The following NBEA variants were observed in gnomAD, a reference collection of about 807,000 sequenced individuals.
NBEA encodes lysosomal-trafficking regulator 2.
A neutral mutation model predicts 343.4 loss-of-function variants in NBEA; 44 were observed. That is an observed-to-expected ratio of 0.13 (90% CI 0.10 to 0.16). NBEA has a LOEUF of 0.16. Among genes scored for constraint, NBEA ranks in the 10% least tolerant of loss-of-function variants. The pLI, the probability that NBEA is intolerant of heterozygous loss-of-function variation, is 1.00. For missense variants in NBEA, 2,555 were observed against 3,631.3 expected (o/e 0.70, Z 7.62); for synonymous variants, 1,175 against 1,238.7 (o/e 0.95, Z 1.08).
chr13:35,572,716 G>T (rs1171423852), intron 45 of NBEA, among the ~76,000 whole-genome samples: 1 of 4,222 alleles, frequency 2.4e-4, no homozygotes, highest in Non-Finnish European at 1.6e-3. Flanking sequence ...AGTTGGGTTT[G>T]TTGTTGTTGT....
chr13:35,040,935 G>T lies in NBEA; in HGVS notation c.297G>T (p.Leu99=). The T allele has an allele frequency of 6.2e-7, 1 of 1,611,972 alleles. No homozygotes were observed. The highest frequency in any genetic ancestry group is 8.5e-7 in the Non-Finnish European group (1 of 1,178,372). The change falls in exon 2 of 59, where the codon CTG becomes CTT. Residue 99 remains leucine (L), a splice_region_variant and synonymous_variant. Coordinates refer to ENST00000379939, the MANE Select transcript of NBEA (RefSeq NM_001385012.1). The stretch of plus-strand genomic sequence containing the variant: ...TGTTTCTTTCTGTTTACTTTCAGCT[G>T]GTTGGTGGAGAATTTGACTTGGAGA... ...RDIVETVLNL[L]VGGEFDLEMN...
intron 40 of NBEA, among the ~76,000 whole-genome samples, chr13:35,464,915 G>GTGAA (rs201147139): frequency 3.3e-5 from 5 of 151,948 alleles, no homozygotes; most frequent in East Asian, 1.9e-4. Context: ...CGTTGACTAC[G>GTGAA]TGAATGAATG....
chr13:35,585,669 C>T (rs2081262404), intron 46 of NBEA, among the ~76,000 whole-genome samples: 1 of 151,994 alleles, frequency 6.6e-6, no homozygotes, highest in Admixed American at 6.6e-5. Flanking sequence ...CTAGATATTT[C>T]TACCTGAACA....
At chr13:35,318,721 C>T (rs943404975) in intron 36 of NBEA, among the ~76,000 whole-genome samples, 2 of 152,110 alleles carry the variant, frequency 1.3e-5, no homozygotes, top group Non-Finnish European at 2.9e-5. Context: ...GCTATGAATC[C>T]GTCTGGTCCT....
At chr13:35,393,679 C>G (rs1477563020) in intron 38 of NBEA, among the ~76,000 whole-genome samples, 1 of 151,720 alleles carries the variant, frequency 6.6e-6, no homozygotes, top group Non-Finnish European at 1.5e-5. Context: ...CCAATGATAT[C>G]CAAATTTGCA....
chr13:34,952,291 C>CT (rs2059374513), intron 1 of NBEA, among the ~76,000 whole-genome samples: 1 of 152,188 alleles, frequency 6.6e-6, no homozygotes, highest in Admixed American at 6.5e-5. Flanking sequence ...CCATAGACAA[C>CT]TTAGGACAGG....
At position 35,314,759 on chromosome 13, in the gene NBEA, T is replaced by C. The variant is rs564259514; in HGVS notation, c.5903+5167T>C. 2.6e-5 allele frequency among the ~76,000 whole-genome samples: 4 copies of C among 152,306 alleles called. No homozygotes were observed. In the South Asian group the frequency reaches 8.3e-4, roughly 32 times the overall value. On this transcript the variant is annotated intron_variant, in intron 36 of 58. Transcript: ENST00000379939. ...AAAGTTCAAAATAATATATATGATA[T>C]TTATTACAGCTGCTATAAGTCCTTA...
At chr13:35,353,755 A>G (rs963258212) in intron 38 of NBEA, among the ~76,000 whole-genome samples, 28 of 152,178 alleles carry the variant, frequency 1.8e-4, no homozygotes, top group Admixed American at 1.3e-4. Flanking sequence ...ACCGGGAAGA[A>G]CCTAAAGCTG....
chr13:35,349,414 C>T (rs1644370232), intron 37 of NBEA, among the ~76,000 whole-genome samples, 198 bp downstream of exon 37: 1 of 152,040 alleles, frequency 6.6e-6, no homozygotes, highest in African/African-American at 2.4e-5. Context: ...GAAAACATTC[C>T]TTCTGCCCTA....
intron 30 of NBEA, among the ~76,000 whole-genome samples, chr13:35,191,315 A>G (rs2072175485): frequency 6.6e-6 from 1 of 152,164 alleles, no homozygotes; most frequent in Admixed American, 6.6e-5. Context: ...CACTCCAAGT[A>G]GGATAAACTC....
At chr13:35,536,977 T>C (rs1227906717) in intron 41 of NBEA, among the ~76,000 whole-genome samples, 2 of 152,286 alleles carry the variant, frequency 1.3e-5, no homozygotes, top group East Asian at 3.9e-4. Flanking sequence ...TTGGAAGTGA[T>C]GTAAGAGAAG....
At chr13:35,063,179 C>T (rs1378807637) in intron 8 of NBEA, among the ~76,000 whole-genome samples, 1 of 151,988 alleles carries the variant, frequency 6.6e-6, no homozygotes, top group Non-Finnish European at 1.5e-5. Flanking sequence ...AATTAGCCTT[C>T]ACTAATTCAT....
rs376244040 is a variant in NBEA, at chr13:35,048,284, C to T, written c.724-279C>T. Among the ~76,000 whole-genome samples the T allele has an allele frequency of 2.4e-4, 36 of 151,912 alleles. 1 individual carries two copies. In the South Asian group the frequency reaches 5.4e-3, roughly 23 times the overall value. On this transcript the variant is annotated intron_variant, in intron 4 of 58. Transcript: ENST00000379939. ...ACTGTATACTGATGAAACTAGATGG[C>T]GACTTCTTGGAGTATAGTCTGAAAC... is the stretch of plus-strand genomic sequence containing the variant.
intron 1 of NBEA, among the ~76,000 whole-genome samples, chr13:35,012,405 T>A (rs1337595084): frequency 6.6e-6 from 1 of 152,200 alleles, no homozygotes; most frequent in Non-Finnish European, 1.5e-5. Flanking sequence ...TTAGGACCCA[T>A]CTCCCAACAA....
intron 49 of NBEA, among the ~76,000 whole-genome samples, chr13:35,636,487 T>C (rs1279935816): frequency 2.6e-5 from 4 of 152,170 alleles, no homozygotes; most frequent in Admixed American, 2.6e-4. Flanking sequence ...TGTCTCAATG[T>C]CATTCCACAT....
chr13:35,481,270 T>C (rs1206180761), intron 41 of NBEA, among the ~76,000 whole-genome samples: 2 of 151,880 alleles, frequency 1.3e-5, no homozygotes, highest in East Asian at 3.9e-4. Context: ...GGGAGTATAC[T>C]TGTAAGAATT....
At chr13:35,135,477 A>C (rs2067664906) in intron 17 of NBEA, among the ~76,000 whole-genome samples, 1 of 152,112 alleles carries the variant, frequency 6.6e-6, no homozygotes, top group Admixed American at 6.5e-5. Context: ...CAGTAAATGG[A>C]GAGCTATGCT....
chr13:35,323,260 C>G (rs1033662974), intron 36 of NBEA, among the ~76,000 whole-genome samples: 2 of 152,084 alleles, frequency 1.3e-5, no homozygotes, highest in African/African-American at 4.8e-5. Context: ...AAGACACATG[C>G]ACACGTATGT....
intron 1 of NBEA, among the ~76,000 whole-genome samples, chr13:35,030,367 TA>T (rs2062163442): frequency 6.6e-6 from 1 of 151,538 alleles, no homozygotes; most frequent in African/African-American, 2.4e-5. Context: ...TAGAGCTTTA[TA>T]AATATCCCCT....
Sources: gnomAD v4.1 joint callset for allele counts (sites outside exome capture counted in the v4.1 genomes callset) on GRCh38, gnomAD v4.1.1 for gene constraint, MANE v1.5 for transcripts, NCBI Gene and HGNC (gene_info 2026-07-23, HGNC 2026-07-21) for gene names.